The following PDE4D variants were observed in gnomAD, a reference collection of about 807,000 sequenced individuals.
PDE4D encodes phosphodiesterase 4D.
Under a neutral mutation model 87.4 loss-of-function variants are expected in PDE4D, and 24 were observed. The ratio of observed to expected loss-of-function variants is 0.27; its 90% confidence interval spans 0.20 to 0.39. The LOEUF is 0.39. Among genes scored for constraint, PDE4D ranks in the 10% least tolerant of loss-of-function variants. The probability of loss-of-function intolerance (pLI) is 1.00; values close to 1 mark genes in which losing one functional copy is unlikely to be tolerated. For missense variants in PDE4D, 714 were observed against 1,041.0 expected (o/e 0.69, Z 4.32); for synonymous variants, 384 against 383.2 (o/e 1.00, Z -0.02).
chr5:59,312,426 T>C (rs575298243), intron 1 of PDE4D, among the ~76,000 whole-genome samples: 71 of 152,300 alleles, frequency 4.7e-4, no homozygotes, highest in Middle Eastern at 3.4e-3. Context: ...CAATCAGGAC[T>C]ACAATGCCAA....
At chr5:60,397,473 C>A (rs1362217712) in intron 1 of PDE4D, among the ~76,000 whole-genome samples, 1 of 152,160 alleles carries the variant, frequency 6.6e-6, no homozygotes, top group Non-Finnish European at 1.5e-5. Context: ...AGAAGGAAAT[C>A]ATGTCATGTG....
intron 3 of PDE4D, among the ~76,000 whole-genome samples, chr5:59,933,234 C>A (rs1469163281): frequency 6.6e-6 from 1 of 152,156 alleles, no homozygotes; most frequent in Non-Finnish European, 1.5e-5. Flanking sequence ...TGAGAAGATA[C>A]TTCCATAATT....
chr5:60,023,935 T>TA (rs1766359849), intron 2 of PDE4D, among the ~76,000 whole-genome samples: 1 of 152,164 alleles, frequency 6.6e-6, no homozygotes. Flanking sequence ...AGTATTTCTC[T>TA]AAAAAATGGG....
rs115914821 is a variant in PDE4D, at chr5:59,424,097, G to A, written c.456-208129C>T. 2.9e-3 allele frequency among the ~76,000 whole-genome samples: 446 copies of A among 152,214 alleles called. 2 individuals are homozygous for A. Among genetic ancestry groups the A allele is most frequent in the African/African-American group, 0.01 (435 of 41,524 alleles). On this transcript the variant is annotated intron_variant, in intron 1 of 14. Transcript: ENST00000340635. ...AGGCTGAGGGAGAGGAAGCACTTAG[G>A]AGGACTTCCAGGTCTGGGCCATAAG...
intron 1 of PDE4D, among the ~76,000 whole-genome samples, chr5:59,602,612 C>T (rs908251243): frequency 1.3e-5 from 2 of 152,016 alleles, no homozygotes; most frequent in African/African-American, 4.8e-5. Flanking sequence ...AAACAATCTA[C>T]AAAACAATCT....
chr5:59,496,000 A>C (rs1405583737), intron 1 of PDE4D, among the ~76,000 whole-genome samples: 1 of 152,022 alleles, frequency 6.6e-6, no homozygotes, highest in Non-Finnish European at 1.5e-5. Flanking sequence ...GGCTTTCTGT[A>C]TCCCGGGTTC....
intron 1 of PDE4D, among the ~76,000 whole-genome samples, chr5:59,303,701 A>G (rs917930254): frequency 2.6e-5 from 4 of 151,908 alleles, no homozygotes; most frequent in Non-Finnish European, 2.9e-5. Flanking sequence ...GTTGGCTGTA[A>G]GTATTTGGGT....
At chr5:59,215,595 A>C (rs1001870677) in intron 2 of PDE4D, 182 bp downstream of exon 2, 7 of 575,084 alleles carry the variant, frequency 1.2e-5, no homozygotes, top group African/African-American at 1.1e-4. Flanking sequence ...GTGTTAATCA[A>C]GAGTGACAGT....
intron 1 of PDE4D, among the ~76,000 whole-genome samples, chr5:60,509,233 A>G (rs1750460876): frequency 6.6e-6 from 1 of 152,198 alleles, no homozygotes; most frequent in Non-Finnish European, 1.5e-5. Flanking sequence ...CAAAATCACC[A>G]GTGAAAAACA....
intron 1 of PDE4D, among the ~76,000 whole-genome samples, chr5:60,280,319 T>C (rs1421856511): frequency 2.1e-5 from 3 of 145,310 alleles, no homozygotes; most frequent in African/African-American, 8.2e-5. Context: ...CATACATATA[T>C]ATATATAAAT....
chr5:60,226,037 A>T (rs1453148267), intron 1 of PDE4D, among the ~76,000 whole-genome samples: 1 of 152,170 alleles, frequency 6.6e-6, no homozygotes, highest in Non-Finnish European at 1.5e-5. Context: ...CTAGAACAAA[A>T]AGCATAATAG....
chr5:59,414,378 T>G (rs138752332), intron 1 of PDE4D, among the ~76,000 whole-genome samples: 1 of 152,208 alleles, frequency 6.6e-6, no homozygotes, highest in African/African-American at 2.4e-5. Context: ...TGCTCCGCAG[T>G]CTTCATCATG....
chr5:60,135,986 T>G (rs1562137099), intron 2 of PDE4D, among the ~76,000 whole-genome samples: 1 of 152,166 alleles, frequency 6.6e-6, no homozygotes, highest in Non-Finnish European at 1.5e-5. Context: ...GAACACACTC[T>G]GGGAAACTTG....
chr5:59,340,675 C>A (rs929566936), intron 1 of PDE4D, among the ~76,000 whole-genome samples: 8 of 152,030 alleles, frequency 5.3e-5, no homozygotes, highest in Non-Finnish European at 1.0e-4. Context: ...ACTCCCACAC[C>A]CCTGCCACTC....
At chr5:59,958,828 G>C (rs999689830) in intron 3 of PDE4D, among the ~76,000 whole-genome samples, 1 of 152,174 alleles carries the variant, frequency 6.6e-6, no homozygotes, top group South Asian at 2.1e-4. Flanking sequence ...ACATAGTAAC[G>C]GAAGTCCTAG....
intron 1 of PDE4D, among the ~76,000 whole-genome samples, chr5:59,521,554 A>G (rs1812245269): frequency 6.6e-6 from 1 of 152,148 alleles, no homozygotes; most frequent in African/African-American, 2.4e-5. Context: ...TCTGTGCACC[A>G]TTCTTCTCCC....
chr5:59,506,021 A>G (rs190180856), intron 1 of PDE4D, among the ~76,000 whole-genome samples: 2 of 152,164 alleles, frequency 1.3e-5, no homozygotes. Context: ...TTTTTCAATA[A>G]TTATGTCAAA....
intron 2 of PDE4D, among the ~76,000 whole-genome samples, chr5:60,163,582 A>G (rs541532203): frequency 9.9e-5 from 15 of 152,280 alleles, no homozygotes; most frequent in Admixed American, 7.8e-4. Flanking sequence ...TTCTCTTCCG[A>G]TGATTATCAT....
At chr5:60,083,999 C>T (rs766244509) in intron 2 of PDE4D, among the ~76,000 whole-genome samples, 6 of 152,102 alleles carry the variant, frequency 3.9e-5, no homozygotes, top group African/African-American at 9.7e-5. Flanking sequence ...TTGTAAATTG[C>T]GAACTGAGGC....
Sources: gnomAD v4.1 joint callset for allele counts (sites outside exome capture counted in the v4.1 genomes callset) on GRCh38, gnomAD v4.1.1 for gene constraint, MANE v1.5 for transcripts, NCBI Gene and HGNC (gene_info 2026-07-23, HGNC 2026-07-21) for gene names.